The following TACR3 variants were observed in gnomAD, a reference collection of about 807,000 sequenced individuals.
TACR3 encodes the protein neuromedin-K receptor.
A neutral mutation model predicts 35.0 loss-of-function variants in TACR3; 34 were observed. The observed-to-expected ratio is 0.97, with a 90% CI of 0.74 to 1.30. The LOEUF is 1.30. TACR3 is among the 50% of genes most tolerant of loss of function. TACR3 has a pLI of 0.00. For synonymous variants in TACR3, 233 were observed against 221.1 expected (o/e 1.05, Z -0.48); for missense variants, 558 against 591.7 (o/e 0.94, Z 0.59).
intron 1 of TACR3, among the ~76,000 whole-genome samples, chr4:103,674,520 C>T (rs981947986): frequency 2.0e-5 from 3 of 152,090 alleles, no homozygotes; most frequent in Non-Finnish European, 4.4e-5. Context: ...GTTCATAATT[C>T]AACTGATGAG....
intron 3 of TACR3, among the ~76,000 whole-genome samples, chr4:103,611,191 G>A (rs1162203990): frequency 6.6e-6 from 1 of 152,064 alleles, no homozygotes; most frequent in Non-Finnish European, 1.5e-5. Context: ...GGATTGAATT[G>A]AATTTGTAAA....
At chr4:103,616,705 G>A (rs903824745) in intron 3 of TACR3, among the ~76,000 whole-genome samples, 1 of 152,106 alleles carries the variant, frequency 6.6e-6, no homozygotes, top group Non-Finnish European at 1.5e-5. Context: ...TCAGACCTTC[G>A]GGAGGTCAAG....
At chr4:103,710,366 C>T (rs1722914387) in intron 1 of TACR3, among the ~76,000 whole-genome samples, 1 of 152,118 alleles carries the variant, frequency 6.6e-6, no homozygotes, top group Non-Finnish European at 1.5e-5. Flanking sequence ...CTCAAAACTG[C>T]TCAAGTGCAT....
rs1723179470 is a variant in TACR3 at position 103,719,965 on chromosome 4, C to T, written c.-290G>A. The stretch of plus-strand genomic sequence containing the variant: ...TCACACGTAGGGAGGGTGCCAGCTG[C>T]CCGGCACAGGCTGGAGAACTGAGCG... On this transcript the variant is annotated 5_prime_UTR_variant, in exon 1 of 5. Coordinates refer to ENST00000304883, the MANE Select transcript of TACR3 (RefSeq NM_001059.3). 1.9e-6 allele frequency: 1 copy of T among 537,436 alleles called. No homozygotes were observed. The allele number at this position is 537,436 out of a possible 1,614,324, so 33.3% of individuals were successfully genotyped here.
At chr4:103,717,741 C>T (rs1440771035) in intron 1 of TACR3, among the ~76,000 whole-genome samples, 1 of 151,964 alleles carries the variant, frequency 6.6e-6, no homozygotes, top group Non-Finnish European at 1.5e-5. Flanking sequence ...GCTGCTCAAA[C>T]AAAAGGAACA....
At chr4:103,593,253 A>G (rs1723931949) in intron 3 of TACR3, 1 of 152,168 alleles carries the variant, frequency 6.6e-6, no homozygotes, top group South Asian at 2.1e-4. Flanking sequence ...TCATGTAACT[A>G]AGATCTTTCT....
rs1377547452 is a variant in TACR3, at chr4:103,587,464, A to G, written c.*2218T>C. On this transcript the variant is annotated 3_prime_UTR_variant, in exon 5 of 5. Transcript: ENST00000304883. ...TGTATGTTCACAGAAGCCAAAGCAA[A>G]CCAACAATCCAACTGACGAGGCCAG... is the stretch of plus-strand genomic sequence containing the variant. 1 of 152,116 alleles carries G rather than the reference A, an allele frequency of 6.6e-6. No homozygotes were observed. Among genetic ancestry groups the G allele is most frequent in the Non-Finnish European group, 1.5e-5 (1 of 67,992 alleles). 9.4% of individuals were successfully genotyped at this position (152,116 alleles called of 1,614,324 possible). A position where few individuals can be genotyped will look rare whatever the true frequency, so the allele number is the denominator to read the frequency against.
chr4:103,597,915 G>A (rs948692120), intron 3 of TACR3, among the ~76,000 whole-genome samples: 1 of 152,110 alleles, frequency 6.6e-6, no homozygotes, highest in African/African-American at 2.4e-5. Flanking sequence ...ATAAACATAC[G>A]TGTGCATGTG....
chr4:103,652,231 C>A (rs1725636352), intron 3 of TACR3, among the ~76,000 whole-genome samples: 1 of 152,100 alleles, frequency 6.6e-6, no homozygotes, highest in African/African-American at 2.4e-5. Flanking sequence ...GGACTTTAGC[C>A]CACTGTGGTG....
intron 3 of TACR3, among the ~76,000 whole-genome samples, chr4:103,609,128 G>A (rs758917776): frequency 6.6e-6 from 1 of 152,128 alleles, no homozygotes; most frequent in African/African-American, 2.4e-5. Context: ...GAACTACACA[G>A]TGTAATGAAT....
At position 103,588,232 on chromosome 4, in the gene TACR3, A is replaced by G. The variant is rs1176725193; in HGVS notation, c.*1450T>C. ...GGCACAACAGTAAAGTGTTTGTTAG[A>G]GAGTATTATTTTAGACAAATATCTT... On this transcript the variant is annotated 3_prime_UTR_variant, in exon 5 of 5. Transcript: ENST00000304883. 1 of 152,114 alleles carries G rather than the reference A, an allele frequency of 6.6e-6. No homozygotes were observed. Among genetic ancestry groups the G allele is most frequent in the African/African-American group, 2.4e-5 (1 of 41,446 alleles). 9.4% of individuals were successfully genotyped at this position (152,114 alleles called of 1,614,324 possible).
intron 1 of TACR3, among the ~76,000 whole-genome samples, chr4:103,664,758 A>G (rs1346397596): frequency 6.6e-6 from 1 of 152,004 alleles, no homozygotes; most frequent in Non-Finnish European, 1.5e-5. Flanking sequence ...GTCAAAATGC[A>G]TTTTCTAGAT....
At chr4:103,642,630 G>C (rs775714834) in intron 3 of TACR3, among the ~76,000 whole-genome samples, 3 of 151,822 alleles carry the variant, frequency 2.0e-5, no homozygotes, top group Non-Finnish European at 4.4e-5. Flanking sequence ...GAAGTACAGA[G>C]TAGAACGGTG....
At chr4:103,656,413 C>T in intron 2 of TACR3, 69 bp from the exon 3 acceptor site, 1 of 1,482,516 alleles carries the variant, frequency 6.7e-7, no homozygotes, top group South Asian at 1.1e-5. Context: ...TGAATTGGCT[C>T]AGCTTTAAAT....
At position 103,719,758 on chromosome 4, in the gene TACR3, C is replaced by T. The variant is rs199903372; in HGVS notation, c.-83G>A. Reference sequence around the variant, plus strand: ...ACTCCTCTGAAGTTCTTCTCTGCCTCCTGGTCACTTTGGTGCCGGAGTCTT... The same window carrying T: ...ACTCCTCTGAAGTTCTTCTCTGCCTTCTGGTCACTTTGGTGCCGGAGTCTT... On this transcript the variant is annotated 5_prime_UTR_variant, in exon 1 of 5. Coordinates refer to ENST00000304883, the MANE Select transcript of TACR3 (RefSeq NM_001059.3). 14 of 1,554,242 alleles carry T rather than the reference C, an allele frequency of 9.0e-6. No individual in the cohort carries two copies. Among genetic ancestry groups the T allele is most frequent in the Middle Eastern group, 3.3e-4 (2 of 5,990 alleles).
chr4:103,692,059 G>T (rs979419747), intron 1 of TACR3, among the ~76,000 whole-genome samples: 1 of 152,026 alleles, frequency 6.6e-6, no homozygotes, highest in South Asian at 2.1e-4. Flanking sequence ...CTGGGTTAGG[G>T]TCTCCTGGAC....
intron 1 of TACR3, among the ~76,000 whole-genome samples, chr4:103,664,379 C>T (rs1355296148): frequency 6.6e-6 from 1 of 152,076 alleles, no homozygotes; most frequent in African/African-American, 2.4e-5. Flanking sequence ...TATAATTCTT[C>T]CTTTTGTTGG....
intron 3 of TACR3, among the ~76,000 whole-genome samples, chr4:103,628,833 G>C (rs1724976962): frequency 2.3e-5 from 2 of 87,988 alleles, no homozygotes; most frequent in South Asian, 7.2e-4. Context: ...AAGCCTGGCA[G>C]AGATAAAAAG....
At chr4:103,629,440 A>T (rs927216597) in intron 3 of TACR3, among the ~76,000 whole-genome samples, 1 of 150,052 alleles carries the variant, frequency 6.7e-6, no homozygotes, top group African/African-American at 2.4e-5. Flanking sequence ...ACTTCAGCAA[A>T]GTCTCAGGAT....
Sources: gnomAD v4.1 joint callset for allele counts (sites outside exome capture counted in the v4.1 genomes callset) on GRCh38, gnomAD v4.1.1 for gene constraint, MANE v1.5 for transcripts, NCBI Gene and HGNC (gene_info 2026-07-23, HGNC 2026-07-21) for gene names.